AMOTL1: variants seen among roughly 807,000 people sequenced by gnomAD.
AMOTL1 encodes the protein angiomotin-like protein 1.
Under a neutral mutation model 102.9 loss-of-function variants are expected in AMOTL1, and 45 were observed. That is an observed-to-expected ratio of 0.44 (90% CI 0.34 to 0.56). The LOEUF is 0.56. Ranked by LOEUF, AMOTL1 falls within the 20% of genes least tolerant of loss-of-function variation. The pLI is 0.01. For missense variants in AMOTL1, 1,114 were observed against 1,225.6 expected, an observed-to-expected ratio of 0.91 and a Z score of 1.36; for synonymous variants, 481 against 484.7, an observed-to-expected ratio of 0.99 and a Z score of 0.10.
chr11:94,832,233 A>G (rs1034702948), intron 6 of AMOTL1, among the ~76,000 whole-genome samples: 1 of 152,216 alleles, frequency 6.6e-6, no homozygotes, highest in Non-Finnish European at 1.5e-5. Flanking sequence ...CTGTTTTGAA[A>G]ATGGAATTCA....
At chr11:94,709,793 G>A (rs1949992649) in intron 1 of AMOTL1, among the ~76,000 whole-genome samples, 3 of 152,048 alleles carry the variant, frequency 2.0e-5, no homozygotes, top group Non-Finnish European at 4.4e-5. Context: ...TAAGTTTGGG[G>A]GTGGTTTTTA....
At chr11:94,709,756 T>G (rs1229826619) in intron 1 of AMOTL1, among the ~76,000 whole-genome samples, 1 of 152,064 alleles carries the variant, frequency 6.6e-6, no homozygotes, top group Non-Finnish European at 1.5e-5. Flanking sequence ...CATAGAACAT[T>G]GAGAGATAAT....
intron 8 of AMOTL1, among the ~76,000 whole-genome samples, chr11:94,856,856 T>G (rs1952676582): frequency 1.3e-5 from 2 of 152,212 alleles, no homozygotes; most frequent in South Asian, 4.1e-4. Context: ...TCTTGTTGAA[T>G]CAACAGCCCA....
intron 4 of AMOTL1, 83 bp from the exon 5 acceptor site, chr11:94,829,967 C>A: frequency 7.3e-7 from 1 of 1,373,564 alleles, no homozygotes. Flanking sequence ...AGCCTTCACA[C>A]TGGCAATGTC....
intron 3 of AMOTL1, among the ~76,000 whole-genome samples, chr11:94,744,781 T>G (rs561342808): frequency 1.3e-5 from 2 of 152,140 alleles, no homozygotes; most frequent in South Asian, 4.1e-4. Flanking sequence ...AAGATGAAAT[T>G]TTTCACTCCA....
chr11:94,862,620 A>C (rs893878403), intron 9 of AMOTL1, among the ~76,000 whole-genome samples: 1 of 152,188 alleles, frequency 6.6e-6, no homozygotes, highest in Non-Finnish European at 1.5e-5. Context: ...GCAATGTAAT[A>C]TTTCTTTCAG....
At position 94,756,619 on chromosome 11, in the gene AMOTL1, A is replaced by T. The variant is rs1170314278; in HGVS notation, c.136+15631A>T. Among the ~76,000 whole-genome samples, 4 of 152,236 alleles carry T rather than the reference A, an allele frequency of 2.6e-5. No homozygotes were observed. In the East Asian group the frequency reaches 7.7e-4, roughly 29 times the overall value. ...TGTTTGAAAAACATTATTGCTATAT[A>T]GTGTTACAGAGCAAATACAGAATAA... On this transcript the variant is annotated intron_variant, in intron 3 of 4. Coordinates refer to the AMOTL1 transcript ENST00000299004.
chr11:94,796,206 T>A (rs1951361933), intron 2 of AMOTL1, among the ~76,000 whole-genome samples: 1 of 152,226 alleles, frequency 6.6e-6, no homozygotes, highest in Non-Finnish European at 1.5e-5. Context: ...CATACATTCC[T>A]ATGAGGCAGA....
intron 6 of AMOTL1, among the ~76,000 whole-genome samples, chr11:94,839,887 G>C (rs1051445365): frequency 2.0e-5 from 3 of 152,138 alleles, no homozygotes; most frequent in African/African-American, 7.2e-5. Flanking sequence ...TTAGCCCAGC[G>C]CTGTGACTTA....
intron 1 of AMOTL1, among the ~76,000 whole-genome samples, chr11:94,712,036 C>T (rs1389301310): frequency 1.3e-4 from 19 of 151,982 alleles, no homozygotes; most frequent in Non-Finnish European, 5.9e-5. Context: ...TTATATAGAA[C>T]GGCCATAATA....
intron 1 of AMOTL1, among the ~76,000 whole-genome samples, chr11:94,711,904 T>C (rs1475740256): frequency 6.6e-6 from 1 of 152,154 alleles, no homozygotes; most frequent in East Asian, 1.9e-4. Flanking sequence ...GCTATGAACA[T>C]TCATGTACAA....
At position 94,868,499 on chromosome 11, in the gene AMOTL1, AG is replaced by A. The variant is rs565907692; in HGVS notation, c.2489-694del. Among the ~76,000 whole-genome samples, 604 of 152,254 alleles carry A rather than the reference AG, an allele frequency of 4.0e-3. 3 individuals carry two copies. The highest frequency in any genetic ancestry group is 7.1e-3 in the Non-Finnish European group (481 of 67,992). On this transcript the variant is annotated intron_variant, in intron 11 of 12. Transcript: ENST00000433060. The stretch of plus-strand genomic sequence containing the variant: ...ACCCCAGCCTCACTACTCTTGAGGA[AG>A]GGGGTAAGGAGAGGGCTAAGTGGCC...
At chr11:94,710,766 G>A (rs114968130) in intron 1 of AMOTL1, among the ~76,000 whole-genome samples, 1,903 of 151,904 alleles carry the variant, frequency 0.013, 45 homozygotes, top group African/African-American at 0.043. Flanking sequence ...CCCTCTTTTT[G>A]CTCCTAAATG....
chr11:94,758,972 T>TA (rs1170210980), intron 3 of AMOTL1, among the ~76,000 whole-genome samples: 3 of 151,962 alleles, frequency 2.0e-5, no homozygotes, highest in Admixed American at 1.3e-4. Flanking sequence ...CATAACACTT[T>TA]AAAAAAAACA....
chr11:94,771,259 T>TTG lies in AMOTL1; in HGVS notation c.49+2699_49+2700insTG, dbSNP rs1555067542. On this transcript the variant is annotated intron_variant, in intron 1 of 12. Transcript: ENST00000433060. ...TATTTTCTTTTCTTTTTGGCGGGGT[T>TTG]GGGGGGGGGGTGCGGTGTGTGGCTA... Among the ~76,000 whole-genome samples, 94 of 96,936 alleles carry TTG rather than the reference T, an allele frequency of 9.7e-4. 4 individuals carry two copies. The highest frequency in any genetic ancestry group is 4.5e-4 in the Non-Finnish European group (21 of 47,184). 63.6% of individuals were successfully genotyped at this position (96,936 alleles called of 152,430 possible).
chr11:94,728,921 G>C, exon 2 of AMOTL1: 2 of 1,186,458 alleles, frequency 1.7e-6, no homozygotes, highest in Non-Finnish European at 2.2e-6. Flanking sequence ...TTTATTTCAG[G>C]AGATTGCTTC....
Position 94,768,415 on chromosome 11 carries a change from C to T in AMOTL1, c.-97C>T. 6.5e-7 allele frequency: 1 copy of T among 1,535,086 alleles called. No homozygotes were observed. Among genetic ancestry groups the T allele is most frequent in the Non-Finnish European group, 8.8e-7 (1 of 1,142,848 alleles). The stretch of plus-strand genomic sequence containing the variant: ...GTCGGGTTTGGGGCTGGAGGTGAAG[C>T]CCTGTGTGAATGGGGTTGATTGTCC... On this transcript the variant is annotated 5_prime_UTR_variant, in exon 1 of 13. Coordinates refer to ENST00000433060, the MANE Select transcript of AMOTL1 (RefSeq NM_130847.3).
intron 1 of AMOTL1, among the ~76,000 whole-genome samples, chr11:94,770,431 C>T (rs1950930712): frequency 6.7e-6 from 1 of 149,626 alleles, no homozygotes. Context: ...TATACAGGCT[C>T]TACTTTTCCT....
At chr11:94,723,962 G>A (rs774275149) in intron 1 of AMOTL1, among the ~76,000 whole-genome samples, 1 of 152,074 alleles carries the variant, frequency 6.6e-6, no homozygotes, top group Non-Finnish European at 1.5e-5. Context: ...CAAACCCTTG[G>A]AGCAGCCCAG....
Sources: allele counts gnomAD v4.1 joint callset (sites outside exome capture counted in the v4.1 genomes callset), GRCh38; gene constraint gnomAD v4.1.1; transcripts MANE v1.5; gene names NCBI Gene and HGNC (gene_info 2026-07-23, HGNC 2026-07-21).